GTF2A1L: variants seen among roughly 807,000 people sequenced by gnomAD.
GTF2A1L encodes the protein general transcription factor IIA subunit 1 like.
Under a neutral mutation model 49.7 loss-of-function variants are expected in GTF2A1L, and 48 were observed. The observed-to-expected ratio is 0.97, with a 90% CI of 0.77 to 1.23. The LOEUF (loss-of-function observed/expected upper bound fraction) is 1.23. Among genes scored for constraint, GTF2A1L ranks in the 50% most tolerant of loss-of-function variants. The pLI is 0.00. For missense variants in GTF2A1L, 736 were observed against 564.8 expected, an observed-to-expected ratio of 1.30 and a Z score of -3.07; for synonymous variants, 246 against 193.5, an observed-to-expected ratio of 1.27 and a Z score of -2.25.
In GTF2A1L at chr2:48,667,115, ATT is replaced by A. The variant is rs57507576; in HGVS notation, c.979-2593_979-2592del. ...CAGCATGCACCACCACTCCCAGCTA[ATT>A]TTTTTTTTTTTTTGTATTTTTTGTA... On this transcript the variant is annotated intron_variant, in intron 6 of 8. Coordinates refer to ENST00000403751, the MANE Select transcript of GTF2A1L (RefSeq NM_006872.5). Among the ~76,000 whole-genome samples, 91 of 142,922 alleles carry A rather than the reference ATT, an allele frequency of 6.4e-4. 1 individual carries two copies. Among genetic ancestry groups the A allele is most frequent in the African/African-American group, 2.2e-3 (84 of 38,928 alleles). 93.8% of individuals were successfully genotyped at this position (142,922 alleles called of 152,430 possible).
At chr2:48,635,741 G>A (rs538298896) in intron 3 of GTF2A1L, among the ~76,000 whole-genome samples, 23 of 152,130 alleles carry the variant, frequency 1.5e-4, no homozygotes, top group African/African-American at 5.1e-4. Flanking sequence ...TAAAATGCTT[G>A]TATGGCCATG....
At chr2:48,618,851 A>C (rs772578969) in intron 1 of GTF2A1L, among the ~76,000 whole-genome samples, 2 of 152,208 alleles carry the variant, frequency 1.3e-5, no homozygotes, top group African/African-American at 2.4e-5. Context: ...CATAGAAGAG[A>C]AAATATGTTC....
At chr2:48,676,475 T>A (rs1247076806) in intron 8 of GTF2A1L, among the ~76,000 whole-genome samples, 3 of 151,850 alleles carry the variant, frequency 2.0e-5, no homozygotes, top group Non-Finnish European at 4.4e-5. Context: ...TTGGAATTTT[T>A]AACTTTCCAT....
chr2:48,636,622 C>A (rs967262550), intron 3 of GTF2A1L, among the ~76,000 whole-genome samples: 3 of 152,136 alleles, frequency 2.0e-5, no homozygotes, highest in African/African-American at 7.2e-5. Context: ...GTCTTGGTAT[C>A]ATGAAAATAG....
At chr2:48,619,234 C>T (rs989550113) in intron 1 of GTF2A1L, among the ~76,000 whole-genome samples, 1 of 151,956 alleles carries the variant, frequency 6.6e-6, no homozygotes, top group South Asian at 2.1e-4. Flanking sequence ...CTTGGAAGGT[C>T]GAGGTGGGCA....
At chr2:48,662,652 CTTTT>C (rs35260466) in intron 6 of GTF2A1L, among the ~76,000 whole-genome samples, 7 of 132,366 alleles carry the variant, frequency 5.3e-5, no homozygotes, top group African/African-American at 8.1e-5. Context: ...CTTGGTTGAT[CTTTT>C]TTTTTTTTTT....
rs746984904 is a variant in GTF2A1L at position 48,646,784 on chromosome 2, C to G, written c.720C>G (p.His240Gln). The change falls in exon 6 of 9, where the codon CAC becomes CAG. Residue 240 changes from histidine (H) to glutamine (Q), a missense_variant. Coordinates refer to ENST00000403751, the MANE Select transcript of GTF2A1L (RefSeq NM_006872.5). Reference protein sequence around the residue: ...EALLCHQESSHYISLPGVVFS... With the variant: ...EALLCHQESSQYISLPGVVFS... The stretch of plus-strand genomic sequence containing the variant: ...TGTTGTGTCATCAGGAAAGTTCTCA[C>G]TATATCAGTCTTCCAGGTGTTGTAT... 35 of 1,614,072 alleles carry G rather than the reference C, an allele frequency of 2.2e-5. No individual in the cohort carries two copies. Among genetic ancestry groups the G allele is most frequent in the Non-Finnish European group, 2.8e-5 (33 of 1,180,048 alleles).
chr2:48,638,803 T>C (rs1401445459), intron 3 of GTF2A1L, among the ~76,000 whole-genome samples: 2 of 152,186 alleles, frequency 1.3e-5, no homozygotes, highest in Non-Finnish European at 2.9e-5. Flanking sequence ...GCAGATGATA[T>C]GATTCTATAT....
intron 3 of GTF2A1L, among the ~76,000 whole-genome samples, chr2:48,627,163 A>G (rs2104089941): frequency 6.9e-6 from 1 of 144,138 alleles, no homozygotes; most frequent in Non-Finnish European, 1.6e-5. Flanking sequence ...GTGAAAGTAT[A>G]GGAAGAAAAT....
intron 8 of GTF2A1L, among the ~76,000 whole-genome samples, chr2:48,677,823 C>G (rs533006226): frequency 1.3e-5 from 2 of 151,876 alleles, no homozygotes; most frequent in Non-Finnish European, 1.5e-5. Flanking sequence ...ACTGATGGAT[C>G]TGGATATGGG....
At chr2:48,622,256 C>CAA (rs1275523387) in intron 3 of GTF2A1L, among the ~76,000 whole-genome samples, 1 of 152,170 alleles carries the variant, frequency 6.6e-6, no homozygotes, top group Admixed American at 6.5e-5. Flanking sequence ...AATAAATTAA[C>CAA]AATGAATGTT....
In GTF2A1L at chr2:48,646,455, C is replaced by A; in HGVS notation, c.391C>A (p.His131Asn). The A allele has an allele frequency of 1.3e-6, 2 of 1,554,986 alleles. No individual in the cohort carries two copies. The highest frequency in any genetic ancestry group is 1.2e-5 in the South Asian group (1 of 80,274). The change falls in exon 6 of 9, where the codon CAC becomes AAC. Residue 131 changes from histidine to asparagine, a missense_variant and splice_region_variant. His to Asn is a moderately conservative substitution (Grantham distance 68, BLOSUM62 1). Transcript: ENST00000403751. ...AGVTLQTVSG[H>N]LYKVNVPIMV... ...AATTTTGCTTTCTCCTTTTTAAGGT[C>A]ACCTTTATAAAGTCAATGTACCAAT... is the stretch of plus-strand genomic sequence containing the variant.
chr2:48,645,137 A>C lies in GTF2A1L; in HGVS notation c.388+20A>C. ...TATCTGGTGAGAGTATATTCTAAGA[A>C]TCTTTTTGTTTTCAGCATTGGTACT... On this transcript the variant is annotated intron_variant, in intron 5 of 8. Coordinates refer to ENST00000403751, the MANE Select transcript of GTF2A1L (RefSeq NM_006872.5). The C allele has an allele frequency of 6.3e-7, 1 of 1,576,198 alleles. No homozygotes were observed.
intron 3 of GTF2A1L, among the ~76,000 whole-genome samples, chr2:48,636,787 C>G (rs891171091): frequency 2.6e-5 from 4 of 152,024 alleles, no homozygotes; most frequent in South Asian, 4.1e-4. Flanking sequence ...TAATAATTAC[C>G]TCAGAATAAC....
intron 6 of GTF2A1L, among the ~76,000 whole-genome samples, chr2:48,663,388 A>T (rs1678630763): frequency 6.6e-6 from 1 of 152,122 alleles, no homozygotes; most frequent in African/African-American, 2.4e-5. Flanking sequence ...GTAAACTGAG[A>T]TTGGACCACT....
chr2:48,665,248 CAAAGA>C (rs907312273), intron 6 of GTF2A1L, among the ~76,000 whole-genome samples: 1 of 149,756 alleles, frequency 6.7e-6, no homozygotes, highest in African/African-American at 2.4e-5. Context: ...TTGATAATTT[CAAAGA>C]ATGGACTTTT....
intron 3 of GTF2A1L, among the ~76,000 whole-genome samples, chr2:48,642,169 A>T (rs1016222829): frequency 1.3e-5 from 2 of 152,218 alleles, no homozygotes; most frequent in African/African-American, 2.4e-5. Flanking sequence ...ATAGTTGATT[A>T]CAATGAGATA....
chr2:48,660,834 T>G (rs1301532261), intron 6 of GTF2A1L, among the ~76,000 whole-genome samples: 1 of 152,040 alleles, frequency 6.6e-6, no homozygotes, highest in African/African-American at 2.4e-5. Flanking sequence ...AGAGTTGGGG[T>G]TTTGCCATGC....
chr2:48,633,141 A>T (rs1429808712), intron 3 of GTF2A1L: 1 of 256,496 alleles, frequency 3.9e-6, no homozygotes, highest in East Asian at 1.1e-4. Context: ...ATGGTTCATG[A>T]CAGTATCAAC....
Sources: gnomAD v4.1 joint callset for allele counts (sites outside exome capture counted in the v4.1 genomes callset) on GRCh38, gnomAD v4.1.1 for gene constraint, MANE v1.5 for transcripts, NCBI Gene and HGNC (gene_info 2026-07-23, HGNC 2026-07-21) for gene names.